The following ADAMTSL1 variants were observed in gnomAD, a reference collection of about 807,000 sequenced individuals.
The protein encoded by ADAMTSL1 is ADAMTS-like protein 1.
In ADAMTSL1, 126 loss-of-function variants were observed where a neutral mutation model predicts 201.8. That is an observed-to-expected ratio of 0.62 (90% confidence interval 0.54 to 0.72). The LOEUF is 0.72. Among genes scored for constraint, ADAMTSL1 ranks in the 30% least tolerant of loss-of-function variants. The probability of loss-of-function intolerance (pLI) is 0.00; values close to 1 mark genes in which losing one functional copy is unlikely to be tolerated. For synonymous variants in ADAMTSL1, 1,121 were observed against 903.4 expected, an observed-to-expected ratio of 1.24 and a Z score of -4.32; for missense variants, 2,679 against 2,277.8, an observed-to-expected ratio of 1.18 and a Z score of -3.59.
intron 2 of ADAMTSL1, among the ~76,000 whole-genome samples, chr9:18,275,895 G>T (rs556926689): frequency 6.6e-6 from 1 of 152,060 alleles, no homozygotes; most frequent in Non-Finnish European, 1.5e-5. Context: ...AGGATTGTAG[G>T]CTCCTATGAT....
intron 2 of ADAMTSL1, among the ~76,000 whole-genome samples, chr9:18,432,002 A>C (rs781120967): frequency 1.5e-4 from 23 of 152,218 alleles, no homozygotes; most frequent in Non-Finnish European, 3.2e-4. Context: ...TCACATGAAA[A>C]ATGGTAAAAC....
intron 2 of ADAMTSL1, among the ~76,000 whole-genome samples, chr9:18,288,516 G>T (rs1381675185): frequency 1.3e-5 from 2 of 152,142 alleles, no homozygotes; most frequent in Non-Finnish European, 2.9e-5. Context: ...TAGGTCATGT[G>T]ATTAGCTGCT....
chr9:18,230,787 G>T (rs1199077356), intron 2 of ADAMTSL1, among the ~76,000 whole-genome samples: 1 of 152,034 alleles, frequency 6.6e-6, no homozygotes, highest in East Asian at 1.9e-4. Context: ...CAAACTCATG[G>T]TAGCTTTTGG....
In ADAMTSL1 at chr9:18,724,903, T is replaced by C. The variant is rs529058640; in HGVS notation, c.2006+3238T>C. ...ACTTAAAACATAAATAGCCTCAGGA[T>C]TGAACCTTTTTTTTTTCTTTTGAGA... On this transcript the variant is annotated intron_variant, in intron 15 of 28. Coordinates refer to ENST00000380548, the MANE Select transcript of ADAMTSL1 (RefSeq NM_001040272.6). Among the ~76,000 whole-genome samples, 4 of 84,574 alleles carry C rather than the reference T, an allele frequency of 4.7e-5. No homozygotes were observed. The Admixed American group carries it at 7.0e-4, about 15-fold the overall frequency. 55.5% of individuals were successfully genotyped at this position (84,574 alleles called of 152,430 possible).
chr9:18,615,678 A>T (rs1040596182), intron 4 of ADAMTSL1, among the ~76,000 whole-genome samples: 1 of 152,180 alleles, frequency 6.6e-6, no homozygotes, highest in Non-Finnish European at 1.5e-5. Flanking sequence ...AATCATTCAA[A>T]TCTTAAGTTA....
rs769575717 is a variant in ADAMTSL1 at position 18,166,391 on chromosome 9, C to T, written c.207+2410C>T. Among the ~76,000 whole-genome samples the T allele has an allele frequency of 7.2e-5, 11 of 151,970 alleles. 1 individual carries two copies. In the South Asian group the frequency reaches 8.3e-4, roughly 11 times the overall value. On this transcript the variant is annotated intron_variant, in intron 2 of 29. Transcript: ENST00000680146. ...ATTGAAAACACTGAGAATTCCATCA[C>T]GGAATATGCATGAAAAGGGCCTTAT...
At chr9:18,061,118 G>A (rs1822434857) in intron 1 of ADAMTSL1, among the ~76,000 whole-genome samples, 1 of 152,148 alleles carries the variant, frequency 6.6e-6, no homozygotes, top group South Asian at 2.1e-4. Context: ...TCCCTCTCAA[G>A]GCAGGGGTTG....
chr9:18,781,176 A>G (rs1349316763), intron 19 of ADAMTSL1, among the ~76,000 whole-genome samples: 1 of 151,608 alleles, frequency 6.6e-6, no homozygotes, highest in Non-Finnish European at 1.5e-5. Flanking sequence ...GGTGCAAAGA[A>G]CACTAAAGCA....
At chr9:18,632,361 G>A (rs1826836729) in intron 5 of ADAMTSL1, among the ~76,000 whole-genome samples, 1 of 152,246 alleles carries the variant, frequency 6.6e-6, no homozygotes, top group Admixed American at 6.5e-5. Context: ...TAAGAGTACT[G>A]TTCCTTAAAG....
intron 1 of ADAMTSL1, among the ~76,000 whole-genome samples, chr9:18,068,474 A>G (rs887791727): frequency 5.7e-4 from 86 of 152,168 alleles, no homozygotes; most frequent in African/African-American, 1.9e-3. Context: ...ATTTTATATA[A>G]GGAACTTAAA....
Position 18,616,684 on chromosome 9 carries a change from A to T in ADAMTSL1, c.475-5559A>T, listed in dbSNP as rs534729219. Among the ~76,000 whole-genome samples the T allele has an allele frequency of 2.0e-5, 3 of 152,016 alleles. No homozygotes were observed. In the South Asian group the frequency reaches 6.2e-4, roughly 31 times the overall value. On this transcript the variant is annotated intron_variant, in intron 4 of 28. Transcript: ENST00000380548. ...TCCAGATGTGACCTCCCCCCACCACATCTAGCAACTGTACAGGACGGCATA... is the reference window on the plus strand; with the variant it reads ...TCCAGATGTGACCTCCCCCCACCACTTCTAGCAACTGTACAGGACGGCATA...
At chr9:18,658,964 A>T (rs1828886678) in intron 8 of ADAMTSL1, among the ~76,000 whole-genome samples, 1 of 152,256 alleles carries the variant, frequency 6.6e-6, no homozygotes, top group African/African-American at 2.4e-5. Flanking sequence ...AATTCTTTCC[A>T]GAAGGATAAC....
intron 12 of ADAMTSL1, 72 bp downstream of exon 12, chr9:18,682,031 G>T (rs1474108058): frequency 6.7e-7 from 1 of 1,491,744 alleles, no homozygotes; most frequent in East Asian, 2.3e-5. Flanking sequence ...AAACTCCTTG[G>T]AATATTTTTA....
intron 2 of ADAMTSL1, among the ~76,000 whole-genome samples, chr9:18,249,328 G>A (rs960634441): frequency 8.5e-5 from 13 of 152,160 alleles, no homozygotes; most frequent in African/African-American, 3.1e-4. Flanking sequence ...TTAATGGTTT[G>A]AGTCTCAGCT....
At chr9:17,948,623 A>G (rs1025860478) in intron 1 of ADAMTSL1, among the ~76,000 whole-genome samples, 8 of 152,194 alleles carry the variant, frequency 5.3e-5, no homozygotes, top group African/African-American at 1.7e-4. Flanking sequence ...ACCACGTGTT[A>G]CAGTGATATC....
At chr9:17,907,258 C>CGAG (rs1309920493) in intron 1 of ADAMTSL1, among the ~76,000 whole-genome samples, 4 of 152,170 alleles carry the variant, frequency 2.6e-5, no homozygotes. Context: ...AGTCCTCTAC[C>CGAG]CCCCACCCTT....
At chr9:18,286,908 A>G (rs1833012077) in intron 2 of ADAMTSL1, among the ~76,000 whole-genome samples, 1 of 152,202 alleles carries the variant, frequency 6.6e-6, no homozygotes, top group African/African-American at 2.4e-5. Flanking sequence ...TTTCAACTGC[A>G]ATGTATATAA....
At chr9:18,323,758 G>A (rs1035724417) in intron 2 of ADAMTSL1, among the ~76,000 whole-genome samples, 1 of 151,882 alleles carries the variant, frequency 6.6e-6, no homozygotes, top group Non-Finnish European at 1.5e-5. Flanking sequence ...AATACATAAG[G>A]GATACATTTA....
intron 2 of ADAMTSL1, among the ~76,000 whole-genome samples, chr9:18,514,103 T>G (rs1818209644): frequency 6.6e-6 from 1 of 152,184 alleles, no homozygotes; most frequent in African/African-American, 2.4e-5. Context: ...TTTAACAACA[T>G]TACTCTTCCA....
Sources: gnomAD v4.1 joint callset for allele counts (sites outside exome capture counted in the v4.1 genomes callset) on GRCh38, gnomAD v4.1.1 for gene constraint, MANE v1.5 for transcripts, NCBI Gene and HGNC (gene_info 2026-07-23, HGNC 2026-07-21) for gene names.